ITGA6: variants seen among roughly 807,000 people sequenced by gnomAD.
ITGA6 encodes integrin subunit alpha 6, also known as integrin alpha-6.
ITGA6 carries 63 observed loss-of-function variants against 133.6 expected under a neutral mutation model. The ratio of observed to expected loss-of-function variants is 0.47; its 90% CI spans 0.38 to 0.58. ITGA6 has a LOEUF of 0.58. Among genes scored for constraint, ITGA6 ranks in the 20% least tolerant of loss-of-function variants. The probability of loss-of-function intolerance (pLI) is 0.00; values close to 1 mark genes in which losing one functional copy is unlikely to be tolerated. For missense variants in ITGA6, 1,068 were observed against 1,309.4 expected (o/e 0.82, Z 2.85); for synonymous variants, 434 against 482.0 (o/e 0.90, Z 1.30).
chr2:172,459,544 A>C (rs34526119), intron 1 of ITGA6, among the ~76,000 whole-genome samples: 33,869 of 152,044 alleles, frequency 0.22, 4,019 homozygotes, highest in East Asian at 0.29. Flanking sequence ...CTAACACCAG[A>C]ATTTCCACTG....
chr2:172,494,238 T>A (rs1687037475), intron 23 of ITGA6, among the ~76,000 whole-genome samples: 1 of 152,222 alleles, frequency 6.6e-6, no homozygotes, highest in South Asian at 2.1e-4. Context: ...TTTGTGTTCA[T>A]CTTTTAATAA....
chr2:172,433,359 A>T (rs1228394823), intron 1 of ITGA6, among the ~76,000 whole-genome samples: 1 of 152,202 alleles, frequency 6.6e-6, no homozygotes, highest in African/African-American at 2.4e-5. Flanking sequence ...TCTTCGTTTG[A>T]GTCAGACTAG....
At position 172,469,269 on chromosome 2, in the gene ITGA6, C is replaced by T; in HGVS notation, c.532C>T (p.Arg178Ter). 1.2e-6 allele frequency: 2 copies of T among 1,613,998 alleles called. No individual in the cohort carries two copies. The highest frequency in any genetic ancestry group is 1.7e-6 in the Non-Finnish European group (2 of 1,179,970). The change falls in exon 4 of 26, where the codon CGA becomes TGA. Residue 178 changes from arginine (R) to a stop codon, truncating the protein, a stop_gained. Transcript: ENST00000684293. LOFTEE classifies it high-confidence loss of function. ...GGGAGATTGGAGCTTTTGTGATGGG[C>T]GATTGAGAGGCCATGAGAAATTTGG... The part of the protein sequence containing the change: ...DGGDWSFCDG[R>*]LRGHEKFGSC...
At chr2:172,480,991 CA>C (rs990075410) in intron 11 of ITGA6, 7 of 152,070 alleles carry the variant, frequency 4.6e-5, no homozygotes, top group Admixed American at 3.3e-4. Context: ...GAGTCAAGGC[CA>C]GGGGCATAGG....
chr2:172,430,658 G>C (rs1249430204), intron 1 of ITGA6, among the ~76,000 whole-genome samples: 2 of 152,206 alleles, frequency 1.3e-5, no homozygotes, highest in Admixed American at 1.3e-4. Context: ...TATTGTGTCA[G>C]AGAGCCCCAA....
intron 9 of ITGA6, 126 bp downstream of exon 9, chr2:172,476,639 C>A: frequency 1.4e-6 from 1 of 701,004 alleles, no homozygotes. Flanking sequence ...GAAGCTATTT[C>A]TTTTTCTTTT....
intron 11 of ITGA6, among the ~76,000 whole-genome samples, chr2:172,480,340 C>A (rs1686380544): frequency 1.3e-5 from 2 of 152,028 alleles, no homozygotes; most frequent in African/African-American, 4.8e-5. Flanking sequence ...CCATTTCTGT[C>A]TTTGAAAAGC....
At chr2:172,457,295 CAA>C (rs71403305) in intron 1 of ITGA6, among the ~76,000 whole-genome samples, 75 of 79,300 alleles carry the variant, frequency 9.5e-4, no homozygotes, top group African/African-American at 2.7e-3. Flanking sequence ...ATTCTGTCTC[CAA>C]AAAAAAAAAA....
chr2:172,469,194 C>T lies in ITGA6; in HGVS notation c.457C>T (p.Arg153Trp), dbSNP rs1310112841. 4 of 1,613,778 alleles carry T rather than the reference C, an allele frequency of 2.5e-6. No individual in the cohort carries two copies. Among genetic ancestry groups the T allele is most frequent in the African/African-American group, 1.3e-5 (1 of 74,868 alleles). The stretch of plus-strand genomic sequence containing the variant: ...GCAGGAATCCCGAGACATCTTTGGG[C>T]GGTGTTATGTCCTGAGTCAGAATCT... Reference protein sequence around the residue: ...TKQESRDIFGRCYVLSQNLRI... With the variant: ...TKQESRDIFGWCYVLSQNLRI... Residue 153 changes from arginine (R) to tryptophan (W), a missense_variant, in exon 4 of 26, where the codon CGG (arginine) becomes TGG (tryptophan). Physicochemically the swap from Arg to Trp is moderately radical, Grantham distance 101 (BLOSUM62 -3). Transcript: ENST00000684293.
chr2:172,452,233 C>T (rs747183205), intron 1 of ITGA6, among the ~76,000 whole-genome samples: 3 of 152,166 alleles, frequency 2.0e-5, no homozygotes, highest in Non-Finnish European at 4.4e-5. Flanking sequence ...ACCATGCGAC[C>T]TGTGAGGCTC....
Position 172,504,477 on chromosome 2 carries a change from G to A in ITGA6, c.*409G>A, listed in dbSNP as rs934910834. On this transcript the variant is annotated 3_prime_UTR_variant, in exon 26 of 26. Transcript: ENST00000684293. ...TGGAATGGATTTTTCTTTAACTGCC[G>A]TAATTTAACTTTCTGGGTTGCCTTT... The A allele has an allele frequency of 1.3e-5, 5 of 392,122 alleles. No individual in the cohort carries two copies. Among genetic ancestry groups the A allele is most frequent in the African/African-American group, 2.1e-5 (1 of 48,278 alleles). The allele number at this position is 392,122 out of a possible 1,614,324, so 24.3% of individuals were successfully genotyped here.
chr2:172,451,203 T>TG, intron 1 of ITGA6, among the ~76,000 whole-genome samples: 1 of 149,182 alleles, frequency 6.7e-6, no homozygotes, highest in East Asian at 2.0e-4. Flanking sequence ...CCGGGCACGG[T>TG]GGTGTAATCC....
chr2:172,438,544 G>A (rs11885097), intron 1 of ITGA6, among the ~76,000 whole-genome samples: 150,908 of 151,890 alleles, frequency 0.99, 74,975 homozygotes, highest in Middle Eastern at 1. Context: ...TTTACATTCT[G>A]TTGATTTTGA....
intron 1 of ITGA6, among the ~76,000 whole-genome samples, chr2:172,438,944 A>G (rs28703731): frequency 0.042 from 6,347 of 152,046 alleles, 448 homozygotes; most frequent in African/African-American, 0.14. Context: ...CAGCATGTCA[A>G]AACTCTTTGG....
intron 19 of ITGA6, among the ~76,000 whole-genome samples, chr2:172,489,040 G>C (rs912963522): frequency 2.0e-5 from 3 of 152,196 alleles, no homozygotes; most frequent in African/African-American, 7.2e-5. Flanking sequence ...TGGTTTTGCA[G>C]AATCTCCTCT....
intron 5 of ITGA6, among the ~76,000 whole-genome samples, chr2:172,471,352 C>T (rs1685927593): frequency 2.6e-5 from 4 of 152,164 alleles, no homozygotes; most frequent in South Asian, 2.1e-4. Flanking sequence ...TAAAATCATC[C>T]GTCCTCCCTC....
chr2:172,498,829 A>C (rs1687235765), intron 24 of ITGA6, among the ~76,000 whole-genome samples: 1 of 152,200 alleles, frequency 6.6e-6, no homozygotes, highest in Non-Finnish European at 1.5e-5. Flanking sequence ...TGCCATTCCA[A>C]AAAGCTCTGA....
Position 172,476,893 on chromosome 2 carries a change from GA to G in ITGA6, c.1388+381del, listed in dbSNP as rs533599058. ...ATTTCTATTTTATTTTCTGTGATTG[GA>G]CCATGTATATTTAACAAAATTAAGA... is the stretch of plus-strand genomic sequence containing the variant. On this transcript the variant is annotated intron_variant, in intron 9 of 25. Transcript: ENST00000684293. 1.2e-3 allele frequency among the ~76,000 whole-genome samples: 185 copies of G among 152,240 alleles called. 1 individual carries two copies. Among genetic ancestry groups the G allele is most frequent in the Non-Finnish European group, 2.2e-3 (151 of 68,006 alleles).
At chr2:172,440,654 T>A (rs4405725) in intron 1 of ITGA6, among the ~76,000 whole-genome samples, 12,012 of 152,270 alleles carry the variant, frequency 0.079, 583 homozygotes, top group East Asian at 0.26. Flanking sequence ...ATTTAGTCTC[T>A]TAGCTTATTA....
Sources: allele counts gnomAD v4.1 joint callset (sites outside exome capture counted in the v4.1 genomes callset), GRCh38; gene constraint gnomAD v4.1.1; transcripts MANE v1.5; gene names NCBI Gene and HGNC (gene_info 2026-07-23, HGNC 2026-07-21).